The following ZNF609 variants were observed in gnomAD, a reference collection of about 807,000 sequenced individuals.
ZNF609 encodes zinc finger protein 609.
A neutral mutation model predicts 109.5 loss-of-function variants in ZNF609; 11 were observed. The ratio of observed to expected loss-of-function variants is 0.10; its 90% CI spans 0.06 to 0.17. The LOEUF (loss-of-function observed/expected upper bound fraction) is 0.17. Among genes scored for constraint, ZNF609 ranks in the 10% least tolerant of loss-of-function variants. The probability of loss-of-function intolerance (pLI) is 1.00; values close to 1 mark genes in which losing one functional copy is unlikely to be tolerated. For missense variants in ZNF609, 1,559 were observed against 1,772.4 expected (o/e 0.88, Z 2.16); for synonymous variants, 646 against 662.0 (o/e 0.98, Z 0.37).
At chr15:64,603,712 T>C (rs145223809) in intron 2 of ZNF609, among the ~76,000 whole-genome samples, 10 of 151,990 alleles carry the variant, frequency 6.6e-5, no homozygotes, top group African/African-American at 1.2e-4. Context: ...CCTTAAGATT[T>C]AGCTGAGGCG....
At chr15:64,619,378 A>C (rs1459821792) in intron 2 of ZNF609, among the ~76,000 whole-genome samples, 1 of 152,162 alleles carries the variant, frequency 6.6e-6, no homozygotes, top group Non-Finnish European at 1.5e-5. Context: ...AGAATATGAA[A>C]TCCTGTAAAG....
chr15:64,472,140 C>T (rs1893100256), intron 1 of ZNF609, among the ~76,000 whole-genome samples: 1 of 151,724 alleles, frequency 6.6e-6, no homozygotes, highest in African/African-American at 2.4e-5. Flanking sequence ...CTCAAACTCC[C>T]AACCTCAGGT....
chr15:64,548,345 G>C (rs572032854), intron 2 of ZNF609, among the ~76,000 whole-genome samples: 1 of 152,152 alleles, frequency 6.6e-6, no homozygotes, highest in Non-Finnish European at 1.5e-5. Context: ...AATTTTACTC[G>C]TGTACACTCT....
At chr15:64,498,711 C>A (rs1463194213) in intron 1 of ZNF609, among the ~76,000 whole-genome samples, 1 of 152,046 alleles carries the variant, frequency 6.6e-6, no homozygotes, top group Non-Finnish European at 1.5e-5. Flanking sequence ...AAGTCTTAGC[C>A]CCCTGTCCTG....
intron 3 of ZNF609, among the ~76,000 whole-genome samples, chr15:64,634,902 A>G (rs1595747808): frequency 6.6e-6 from 1 of 152,010 alleles, no homozygotes; most frequent in African/African-American, 2.4e-5. Context: ...ACCAAAAACA[A>G]CAGCCAACAC....
intron 2 of ZNF609, among the ~76,000 whole-genome samples, chr15:64,601,912 C>A (rs569538019): frequency 6.6e-6 from 1 of 152,308 alleles, no homozygotes; most frequent in South Asian, 2.1e-4. Context: ...CAAAGTCAGA[C>A]ATACATTGGT....
In ZNF609 at chr15:64,478,451, A is replaced by C. The variant is rs565910761; in HGVS notation, c.-128+17613A>C. 3.1e-3 allele frequency among the ~76,000 whole-genome samples: 474 copies of C among 152,040 alleles called. 1 individual carries two copies. Among genetic ancestry groups the C allele is most frequent in the African/African-American group, 0.011 (457 of 41,454 alleles). ...ATTGTTGCGATCTCGGCTCACTGCA[A>C]CCTCTGCCTCCTGGGTTCAAGTGAG... On this transcript the variant is annotated intron_variant, in intron 1 of 9. Coordinates refer to ENST00000326648, the MANE Select transcript of ZNF609 (RefSeq NM_015042.2).
At chr15:64,482,681 G>A (rs975654822) in intron 1 of ZNF609, among the ~76,000 whole-genome samples, 2 of 152,148 alleles carry the variant, frequency 1.3e-5, no homozygotes, top group East Asian at 1.9e-4. Flanking sequence ...ATTTGTTGGC[G>A]TCAAGGCAAT....
chr15:64,674,147 G>A lies in ZNF609; in HGVS notation c.1293G>A (p.Lys431=). 2 of 1,614,194 alleles carry A rather than the reference G, an allele frequency of 1.2e-6. No homozygotes were observed. Among genetic ancestry groups the A allele is most frequent in the Non-Finnish European group, 1.7e-6 (2 of 1,180,040 alleles). ...PPASSTSEDV[K]ASPSSANKRK... ...CCAGCAGCACTTCTGAGGATGTCAA[G>A]GCCAGCCCTTCCTCAGCTAATAAGC... The change falls in exon 5 of 10, where the codon AAG becomes AAA. Residue 431 remains lysine (K), a synonymous_variant. Transcript: ENST00000326648.
chr15:64,678,289 G>C lies in ZNF609; in HGVS notation c.3576G>C (p.Lys1192Asn), dbSNP rs961488742. ...AGGAAAGCACAAGTAGTGACTGCAA[G>C]CTGCCCACGTCAGAGGAGTCTCGCC... ...DGKESTSSDC[K>N]LPTSEESRLG... The change falls in exon 6 of 10, where the codon AAG becomes AAC. Residue 1192 changes from lysine to asparagine, a missense_variant. Around this residue, in one of 4 missense-constraint regions of ZNF609, gnomAD observed 1,204 missense variants for 1,314.1 expected, o/e 0.92. Transcript: ENST00000326648. 6.2e-7 allele frequency: 1 copy of C among 1,614,048 alleles called. No individual in the cohort carries two copies. The highest frequency in any genetic ancestry group is 1.3e-5 in the African/African-American group (1 of 74,924).
At chr15:64,479,585 C>G (rs1893222179) in intron 1 of ZNF609, among the ~76,000 whole-genome samples, 1 of 152,098 alleles carries the variant, frequency 6.6e-6, no homozygotes, top group African/African-American at 2.4e-5. Flanking sequence ...GCCACCGCGC[C>G]TGGCCCGTAC....
At chr15:64,665,740 C>T (rs1342834522) in intron 3 of ZNF609, among the ~76,000 whole-genome samples, 3 of 151,990 alleles carry the variant, frequency 2.0e-5, no homozygotes, top group African/African-American at 7.3e-5. Flanking sequence ...AACCCCATAT[C>T]TACTAAAAAT....
In ZNF609 at chr15:64,673,996, C is replaced by T. The variant is rs1268195578; in HGVS notation, c.1142C>T (p.Thr381Ile). 4.3e-6 allele frequency: 7 copies of T among 1,614,152 alleles called. No individual in the cohort carries two copies. The highest frequency in any genetic ancestry group is 5.1e-6 in the Non-Finnish European group (6 of 1,180,040). ...RGKRMRPNSN[T>I]PVNETATASD... ...AAACGCATGCGTCCCAACAGTAATA[C>T]ACCTGTCAATGAGACAGCCACAGCC... is the stretch of plus-strand genomic sequence containing the variant. Residue 381 changes from threonine (T) to isoleucine (I), a missense_variant, in exon 5 of 10, where the codon ACA becomes ATA. By Grantham distance (89) the Thr-to-Ile change is moderately conservative. Transcript: ENST00000326648.
intron 1 of ZNF609, among the ~76,000 whole-genome samples, chr15:64,468,447 T>G (rs944241828): frequency 2.0e-5 from 3 of 152,032 alleles, no homozygotes; most frequent in Admixed American, 6.5e-5. Flanking sequence ...TTTTTTTGTT[T>G]CGCTGCATTG....
intron 2 of ZNF609, among the ~76,000 whole-genome samples, chr15:64,595,012 A>AG (rs1258644561): frequency 6.7e-6 from 1 of 149,666 alleles, no homozygotes; most frequent in East Asian, 2.0e-4. Flanking sequence ...AAAAAAAAAA[A>AG]AAAAGAAAAA....
At chr15:64,500,864 G>A (rs1465551872) in intron 2 of ZNF609, 4 of 165,600 alleles carry the variant, frequency 2.4e-5, no homozygotes, top group Admixed American at 5.7e-5. Flanking sequence ...AAGTCTCCTC[G>A]TGGTTTAATA....
chr15:64,470,892 G>T (rs1209875967), intron 1 of ZNF609, among the ~76,000 whole-genome samples: 1 of 152,170 alleles, frequency 6.6e-6, no homozygotes, highest in Non-Finnish European at 1.5e-5. Flanking sequence ...ATTTTTATCA[G>T]CATTTTTCAG....
intron 1 of ZNF609, among the ~76,000 whole-genome samples, chr15:64,486,393 G>A (rs909351329): frequency 5.3e-5 from 8 of 151,966 alleles, no homozygotes; most frequent in East Asian, 1.9e-4. Flanking sequence ...GTGTGGCGAC[G>A]TGCGCCTGTA....
intron 3 of ZNF609, among the ~76,000 whole-genome samples, chr15:64,641,980 C>T (rs1473126706): frequency 6.6e-6 from 1 of 151,740 alleles, no homozygotes; most frequent in Non-Finnish European, 1.5e-5. Flanking sequence ...CCCTTCCTTA[C>T]AGTCAGATCC....
Sources: allele counts gnomAD v4.1 joint callset (sites outside exome capture counted in the v4.1 genomes callset), GRCh38; gene constraint gnomAD v4.1.1; regional missense constraint gnomAD v4.1.1; transcripts MANE v1.5; gene names NCBI Gene and HGNC (gene_info 2026-07-23, HGNC 2026-07-21).